The following ARAF variants were observed in gnomAD, a reference collection of about 807,000 sequenced individuals.
The protein encoded by ARAF is serine/threonine-protein kinase A-Raf.
In ARAF, 18 loss-of-function variants were observed where a neutral mutation model predicts 48.0. The ratio of observed to expected loss-of-function variants is 0.37; its 90% confidence interval spans 0.26 to 0.56. The LOEUF is 0.56. ARAF is among the 20% of genes least tolerant of loss of function. ARAF has a pLI of 0.77. For missense variants in ARAF, 389 were observed against 543.1 expected (o/e 0.72, Z 2.82); for synonymous variants, 207 against 220.1 (o/e 0.94, Z 0.53).
intron 10 of ARAF, among the ~76,000 whole-genome samples, chrX:47,568,195 G>C (rs2854426): frequency 0.42 from 46,398 of 110,271 alleles, 6,903 homozygotes; most frequent in South Asian, 0.49. Flanking sequence ...TGAGTACCTG[G>C]TGAGGCCTAG....
In ARAF at chrX:47,562,981, G is replaced by A. The variant is rs1048525052; in HGVS notation, c.14G>A (p.Arg5Gln). 6.8e-6 allele frequency: 8 copies of A among 1,177,708 alleles called. No homozygotes were observed. Among genetic ancestry groups the A allele is most frequent in the Admixed American group, 2.4e-5 (1 of 41,183 alleles). The change falls in exon 2 of 16, where the codon CGG becomes CAG. Residue 5 changes from arginine (R) to glutamine (Q), a missense_variant. Physicochemically the swap from Arg to Gln is conservative, Grantham distance 43 (BLOSUM62 1). Around this residue, in one of 4 missense-constraint regions of ARAF, gnomAD observed 47 missense variants for 66.9 expected, o/e 0.70. Transcript: ENST00000377045. MEPP[R>Q]GPPANGAEPS... ...ATCTAAGGCTCCATGGAGCCACCAC[G>A]GGGCCCCCCTGCCAATGGGGCCGAG...
chrX:47,566,532 C>T (rs2057733228), intron 6 of ARAF, 107 bp from the exon 7 acceptor site: 2 of 826,151 alleles, frequency 2.4e-6, no homozygotes, highest in Non-Finnish European at 3.3e-6. Context: ...TGCCAGTGGA[C>T]ATTCGCTCTG....
rs182258374 is a variant in ARAF at position 47,568,220 on chromosome X, C to T, written c.1077-498C>T. ...GTGAGGCCTAGATTTGAACATGAGT[C>T]CAGACTCCAAGCTCTTTACCTCTAA... On this transcript the variant is annotated intron_variant, in intron 10 of 15. Coordinates refer to ENST00000377045, the MANE Select transcript of ARAF (RefSeq NM_001654.5). Among the ~76,000 whole-genome samples, 6 of 111,745 alleles carry T rather than the reference C, an allele frequency of 5.4e-5. No homozygotes were observed. In the East Asian group the frequency reaches 1.4e-3, roughly 26 times the overall value.
In ARAF at chrX:47,570,896, C is replaced by T. The variant is rs2147909679; in HGVS notation, c.1570C>T (p.Arg524Cys). The T allele has an allele frequency of 4.1e-6, 5 of 1,210,939 alleles. No individual in the cohort carries two copies. The highest frequency in any genetic ancestry group is 1.7e-5 in the African/African-American group (1 of 57,813). ...CCCCCAGATTATCTTTATGGTGGGC[C>T]GTGGCTATCTGTCCCCGGACCTCAG... ...CRDQIIFMVG[R>C]GYLSPDLSKI... The change falls in exon 15 of 16, where the codon CGT becomes TGT. Residue 524 changes from arginine to cysteine, a missense_variant. Physicochemically the swap from Arg to Cys is radical, Grantham distance 180. Transcript: ENST00000377045.
At position 47,571,506 on chromosome X, in the gene ARAF, A is replaced by G. The variant is rs1413482936; in HGVS notation, c.*49A>G. 1 of 1,166,042 alleles carries G rather than the reference A, an allele frequency of 8.6e-7. No homozygotes were observed. Among genetic ancestry groups the G allele is most frequent in the South Asian group, 1.9e-5 (1 of 51,472 alleles). ...CCAATCTCAGCCCTCCACGCCAAGGAGCCTTGCCCACCAGCCAATCAATGT... is the reference window on the plus strand; with the variant it reads ...CCAATCTCAGCCCTCCACGCCAAGGGGCCTTGCCCACCAGCCAATCAATGT... On this transcript the variant is annotated 3_prime_UTR_variant, in exon 16 of 16. Transcript: ENST00000377045.
In ARAF at chrX:47,567,015, A is replaced by C. The variant is rs996853683; in HGVS notation, c.757A>C (p.Thr253Pro). Reference protein sequence around the residue: ...AAGSRGGSDGTPRGSPSPASV... With the variant: ...AAGSRGGSDGPPRGSPSPASV... ...CGGTAGTAGAGGAGGTAGTGATGGA[A>C]CCCCCCGGGGGAGCCCCAGCCCAGC... The change falls in exon 9 of 16, where the codon ACC becomes CCC. Residue 253 changes from threonine (T) to proline (P), a missense_variant. This residue lies in a region of ARAF where 154 missense variants were observed against 133.6 expected (regional missense o/e 1.15). Coordinates refer to ENST00000377045, the MANE Select transcript of ARAF (RefSeq NM_001654.5). The C allele has an allele frequency of 8.3e-7, 1 of 1,210,479 alleles. No homozygotes were observed. Among genetic ancestry groups the C allele is most frequent in the Non-Finnish European group, 1.1e-6 (1 of 895,041 alleles).
intron 3 of ARAF, 30 bp downstream of exon 3, chrX:47,563,359 T>C: frequency 1.8e-6 from 2 of 1,105,535 alleles, no homozygotes; most frequent in Non-Finnish European, 2.5e-6. Flanking sequence ...GCCCACCCAC[T>C]GGGTGTCCCA....
At chrX:47,562,485 G>GAAA (rs34574198) in intron 1 of ARAF, among the ~76,000 whole-genome samples, 8 of 59,063 alleles carry the variant, frequency 1.4e-4, no homozygotes, top group African/African-American at 4.7e-4. Context: ...AACTCTGTCA[G>GAAA]AAAAAAAAAA....
chrX:47,562,713 A>T (rs1275712436), intron 1 of ARAF, among the ~76,000 whole-genome samples, 196 bp from the exon 2 acceptor site: 2 of 110,919 alleles, frequency 1.8e-5, no homozygotes, highest in African/African-American at 6.6e-5. Flanking sequence ...CAAGAGTGAG[A>T]CAAGCAACAG....
intron 3 of ARAF, 28 bp downstream of exon 3, chrX:47,563,357 A>G: frequency 9.0e-7 from 1 of 1,107,135 alleles, no homozygotes; most frequent in Non-Finnish European, 1.2e-6. Context: ...ACGCCCACCC[A>G]CTGGGTGTCC....
chrX:47,566,981 T>C lies in ARAF; in HGVS notation c.728-5T>C, dbSNP rs111825402. The C allele has an allele frequency of 5.8e-3, 7,058 of 1,209,626 alleles. 279 individuals are homozygous for C. The African/African-American group carries it at 0.11, about 18-fold the overall frequency. On this transcript the variant is annotated splice_region_variant and splice_polypyrimidine_tract_variant and intron_variant, in intron 8 of 15. Coordinates refer to ENST00000377045, the MANE Select transcript of ARAF (RefSeq NM_001654.5). ...CCTCCACTCACATCCTCTCTGCAAC[T>C]GCAGCTGCCGGTAGTAGAGGAGGTA...
At chrX:47,564,051 G>T (rs1248758655) in intron 3 of ARAF, among the ~76,000 whole-genome samples, 3 of 112,209 alleles carry the variant, frequency 2.7e-5, no homozygotes, top group East Asian at 2.8e-4. Context: ...CTTATGAATT[G>T]TTTATTTCTG....
At position 47,569,911 on chromosome X, in the gene ARAF, A is replaced by G; in HGVS notation, c.1438A>G (p.Met480Val). Residue 480 changes from methionine (M) to valine (V), a missense_variant, in exon 14 of 16, where the codon ATG (methionine) becomes GTG (valine). Coordinates refer to ENST00000377045, the MANE Select transcript of ARAF (RefSeq NM_001654.5). ...GTTGTAGGCAGCTGAGGTGATCCGTATGCAGGACCCGAACCCCTACAGCTT... is the reference window on the plus strand; with the variant it reads ...GTTGTAGGCAGCTGAGGTGATCCGTGTGCAGGACCCGAACCCCTACAGCTT... ...VLWMAAEVIR[M>V]QDPNPYSFQS... The G allele has an allele frequency of 8.3e-7, 1 of 1,207,425 alleles. No homozygotes were observed. Among genetic ancestry groups the G allele is most frequent in the Non-Finnish European group, 1.1e-6 (1 of 893,755 alleles).
rs1327806233 is a variant in ARAF at position 47,570,959 on chromosome X, C to T, written c.1633C>T (p.Leu545=). 3 of 1,210,955 alleles carry T rather than the reference C, an allele frequency of 2.5e-6. No homozygotes were observed. Among genetic ancestry groups the T allele is most frequent in the Non-Finnish European group, 3.4e-6 (3 of 895,341 alleles). Residue 545 remains leucine (L), a synonymous_variant, in exon 15 of 16, where the codon CTG becomes TTG. Transcript: ENST00000377045. ...SSNCPKAMRR[L]LSDCLKFQRE... is the part of the protein sequence containing the mutation. Reference sequence around the variant, plus strand: ...CAACTGCCCCAAGGCCATGCGGCGCCTGCTGTCTGACTGCCTCAAGTTCCA... The same window carrying T: ...CAACTGCCCCAAGGCCATGCGGCGCTTGCTGTCTGACTGCCTCAAGTTCCA...
chrX:47,571,109 TAGTG>T, intron 15 of ARAF, 97 bp downstream of exon 15: 2 of 963,236 alleles, frequency 2.1e-6, no homozygotes, highest in Non-Finnish European at 1.4e-6. Context: ...CTCAGAGGTA[TAGTG>T]TGTGTGTGTG....
intron 12 of ARAF, 64 bp from the exon 13 acceptor site, chrX:47,569,475 C>A: frequency 1.0e-6 from 1 of 983,428 alleles, no homozygotes; most frequent in Non-Finnish European, 1.4e-6. Flanking sequence ...CCAATGGGAA[C>A]CTCCCAGGCA....
chrX:47,570,957 G>A lies in ARAF; in HGVS notation c.1631G>A (p.Arg544His), dbSNP rs771396364. ...AGCAACTGCCCCAAGGCCATGCGGC[G>A]CCTGCTGTCTGACTGCCTCAAGTTC... Reference protein sequence around the residue: ...ISSNCPKAMRRLLSDCLKFQR... With the variant: ...ISSNCPKAMRHLLSDCLKFQR... The change falls in exon 15 of 16, where the codon CGC (arginine) becomes CAC (histidine). Residue 544 changes from arginine (R) to histidine (H), a missense_variant. Around this residue, in one of 4 missense-constraint regions of ARAF, gnomAD observed 170 missense variants for 281.4 expected, o/e 0.60. Transcript: ENST00000377045. 3.8e-5 allele frequency: 46 copies of A among 1,210,670 alleles called. No homozygotes were observed. Among genetic ancestry groups the A allele is most frequent in the African/African-American group, 7.0e-5 (4 of 57,460 alleles).
At position 47,567,305 on chromosome X, in the gene ARAF, G is replaced by A. The variant is rs1161562116; in HGVS notation, c.949G>A (p.Gly317Arg). ...PSEVQLLKRIGTGSFGTVFRG... is the reference protein window; with the variant it reads ...PSEVQLLKRIRTGSFGTVFRG... ...TGAGGTGCAGCTGCTGAAGAGGATC[G>A]GGACGGGCTCGTTTGGCACCGTGTT... is the stretch of plus-strand genomic sequence containing the variant. The change falls in exon 10 of 16, where the codon GGG (glycine) becomes AGG (arginine). Residue 317 changes from glycine to arginine, a missense_variant. Transcript: ENST00000377045. The A allele has an allele frequency of 5.8e-6, 7 of 1,211,467 alleles. No individual in the cohort carries two copies. The highest frequency in any genetic ancestry group is 7.8e-6 in the Non-Finnish European group (7 of 895,413).
Position 47,564,794 on chromosome X carries a change from C to T in ARAF, c.201-3C>T, listed in dbSNP as rs767351676. On this transcript the variant is annotated splice_region_variant and splice_polypyrimidine_tract_variant and intron_variant, in intron 3 of 15. Coordinates refer to ENST00000377045, the MANE Select transcript of ARAF (RefSeq NM_001654.5). Reference sequence around the variant, plus strand: ...CACTCATTCCTTTCCATGCCCCCTGCAGACGAAAGACGGTCACTGCCTGGG... The same window carrying T: ...CACTCATTCCTTTCCATGCCCCCTGTAGACGAAAGACGGTCACTGCCTGGG... 1.7e-6 allele frequency: 2 copies of T among 1,194,243 alleles called. No individual in the cohort carries two copies. Among genetic ancestry groups the T allele is most frequent in the Non-Finnish European group, 2.3e-6 (2 of 885,281 alleles).
Sources: allele counts gnomAD v4.1 joint callset (sites outside exome capture counted in the v4.1 genomes callset), GRCh38; gene constraint gnomAD v4.1.1; regional missense constraint gnomAD v4.1.1; transcripts MANE v1.5; gene names NCBI Gene and HGNC (gene_info 2026-07-23, HGNC 2026-07-21).